Variants in CSMD3 observed in about 807,000 individuals in gnomAD.
The protein encoded by CSMD3 is CUB and sushi domain-containing protein 3.
Under a neutral mutation model 435.2 loss-of-function variants are expected in CSMD3, and 177 were observed. The observed-to-expected ratio is 0.41, with a 90% CI of 0.36 to 0.46. CSMD3 has a LOEUF of 0.46. CSMD3 is among the 20% of genes least tolerant of loss of function. The pLI, the probability that CSMD3 is intolerant of heterozygous loss-of-function variation, is 0.34. For synonymous variants in CSMD3, 1,656 were observed against 1,520.5 expected (o/e 1.09, Z -2.07); for missense variants, 4,265 against 4,504.6 (o/e 0.95, Z 1.52).
At chr8:113,327,658 A>G (rs1334061482) in intron 1 of CSMD3, among the ~76,000 whole-genome samples, 1 of 152,004 alleles carries the variant, frequency 6.6e-6, no homozygotes, top group Non-Finnish European at 1.5e-5. Flanking sequence ...GACTGTCGCT[A>G]TTTAACCTAT....
At position 112,954,660 on chromosome 8, in the gene CSMD3, G is replaced by A. The variant is rs781178141; in HGVS notation, c.1420+24C>T. Reference sequence around the variant, plus strand: ...AAACTTCACTCTTGCACTAGAGAAAGTAACAAAAAAGAAGTACACTCACAG... The same window carrying A: ...AAACTTCACTCTTGCACTAGAGAAAATAACAAAAAAGAAGTACACTCACAG... On this transcript the variant is annotated intron_variant, in intron 8 of 70. Transcript: ENST00000297405. 8.7e-6 allele frequency: 13 copies of A among 1,487,246 alleles called. No individual in the cohort carries two copies. The South Asian group carries it at 1.5e-4, about 17-fold the overall frequency. 92.1% of individuals were successfully genotyped at this position (1,487,246 alleles called of 1,614,324 possible).
Position 112,301,814 on chromosome 8 carries a change from C to T in CSMD3, c.8419G>A (p.Glu2807Lys), listed in dbSNP as rs765143806. The change falls in exon 53 of 71, where the codon GAA becomes AAA. Residue 2807 changes from glutamate (E) to lysine (K), a missense_variant. Physicochemically the swap from Glu to Lys is moderately conservative, Grantham distance 56. Transcript: ENST00000297405. The stretch of plus-strand genomic sequence containing the variant: ...GTACCTAGGCATCTGGTTTCAGATT[C>T]ACTCCAAAGACCTGAGGAAAGGCAT... ...RECLSSGLWS[E>K]SETRCLAGHC... The T allele has an allele frequency of 6.2e-7, 1 of 1,613,770 alleles. No individual in the cohort carries two copies. The highest frequency in any genetic ancestry group is 1.1e-5 in the South Asian group (1 of 91,068).
At chr8:113,136,225 A>G (rs1393935485) in intron 4 of CSMD3, among the ~76,000 whole-genome samples, 1 of 151,678 alleles carries the variant, frequency 6.6e-6, no homozygotes, top group Non-Finnish European at 1.5e-5. Flanking sequence ...GCCATCGCAG[A>G]CAAGTAAGTA....
intron 22 of CSMD3, among the ~76,000 whole-genome samples, chr8:112,623,568 GGTTA>G (rs1393194503): frequency 6.6e-6 from 1 of 151,828 alleles, no homozygotes; most frequent in Non-Finnish European, 1.5e-5. Context: ...ACATTGTGCA[GGTTA>G]GTTACATATG....
intron 32 of CSMD3, among the ~76,000 whole-genome samples, chr8:112,467,494 A>G (rs1410601834): frequency 6.6e-6 from 1 of 151,414 alleles, no homozygotes; most frequent in Non-Finnish European, 1.5e-5. Context: ...TTTATACAGC[A>G]ACTTATATTA....
intron 24 of CSMD3, among the ~76,000 whole-genome samples, chr8:112,565,196 T>C (rs1226861298): frequency 6.6e-6 from 1 of 152,116 alleles, no homozygotes; most frequent in Non-Finnish European, 1.5e-5. Flanking sequence ...CCAGTTTATT[T>C]TGATATTTTA....
chr8:112,286,273 A>T (rs1433360248), intron 58 of CSMD3, among the ~76,000 whole-genome samples: 3 of 152,116 alleles, frequency 2.0e-5, no homozygotes, highest in Non-Finnish European at 4.4e-5. Context: ...GTCTCCCCTT[A>T]TCTACTATTC....
At position 112,682,643 on chromosome 8, in the gene CSMD3, A is replaced by G; in HGVS notation, c.2483-7T>C. On this transcript the variant is annotated splice_region_variant and splice_polypyrimidine_tract_variant and intron_variant, in intron 15 of 70. Coordinates refer to ENST00000297405, the MANE Select transcript of CSMD3 (RefSeq NM_198123.2). ...CATTCATTATGTCCAAATGCTTTAG[A>G]ATAATATGCAAAGAAAAATACACAA... 6.3e-7 allele frequency: 1 copy of G among 1,582,008 alleles called. No individual in the cohort carries two copies. Among genetic ancestry groups the G allele is most frequent in the Non-Finnish European group, 8.7e-7 (1 of 1,150,678 alleles).
At chr8:112,941,617 T>A (rs1374829546) in intron 9 of CSMD3, among the ~76,000 whole-genome samples, 3 of 151,812 alleles carry the variant, frequency 2.0e-5, no homozygotes, top group Non-Finnish European at 4.4e-5. Flanking sequence ...ATTACTGCAA[T>A]GTTAGGAAAA....
intron 3 of CSMD3, among the ~76,000 whole-genome samples, chr8:113,223,562 C>T (rs886684829): frequency 3.3e-5 from 5 of 149,710 alleles, no homozygotes; most frequent in Admixed American, 2.7e-4. Flanking sequence ...ATTTTTACAA[C>T]ACATGCTGAC....
intron 11 of CSMD3, among the ~76,000 whole-genome samples, chr8:112,831,121 A>G (rs989217177): frequency 6.6e-6 from 1 of 152,108 alleles, no homozygotes; most frequent in African/African-American, 2.4e-5. Flanking sequence ...CTTGTTTTAT[A>G]AAATATTTTA....
chr8:112,307,719 T>C lies in CSMD3; in HGVS notation c.7886-1527A>G, dbSNP rs570886823. On this transcript the variant is annotated intron_variant, in intron 50 of 70. Transcript: ENST00000297405. ...ATAACTGATAGATATATGTAGTGCATTATTGTTATAAAATGAGAAAGCTTC... is the reference window on the plus strand; with the variant it reads ...ATAACTGATAGATATATGTAGTGCACTATTGTTATAAAATGAGAAAGCTTC... Among the ~76,000 whole-genome samples the C allele has an allele frequency of 1.8e-4, 27 of 152,344 alleles. No homozygotes were observed. The East Asian group carries it at 4.6e-3, about 26-fold the overall frequency.
At chr8:113,316,033 A>G (rs1424920139) in intron 1 of CSMD3, among the ~76,000 whole-genome samples, 1 of 152,058 alleles carries the variant, frequency 6.6e-6, no homozygotes, top group Non-Finnish European at 1.5e-5. Flanking sequence ...CAAATATATA[A>G]TATTCTGTAG....
intron 11 of CSMD3, among the ~76,000 whole-genome samples, chr8:112,851,807 C>T (rs555341602): frequency 6.6e-6 from 1 of 151,600 alleles, no homozygotes; most frequent in Non-Finnish European, 1.5e-5. Flanking sequence ...AAGAACTACA[C>T]CTGGGATTAG....
chr8:112,745,659 T>C (rs1364464215), intron 13 of CSMD3, among the ~76,000 whole-genome samples: 1 of 151,796 alleles, frequency 6.6e-6, no homozygotes, highest in Non-Finnish European at 1.5e-5. Flanking sequence ...CTAATGTCAA[T>C]TCTAAGTTTC....
chr8:113,330,812 A>G (rs1238057108), intron 1 of CSMD3, among the ~76,000 whole-genome samples: 1 of 151,926 alleles, frequency 6.6e-6, no homozygotes, highest in Non-Finnish European at 1.5e-5. Context: ...GGATAAGTAT[A>G]TACTTCAAAA....
chr8:112,968,401 A>T lies in CSMD3; in HGVS notation c.1342+7436T>A, dbSNP rs143271876. On this transcript the variant is annotated intron_variant, in intron 7 of 70. Transcript: ENST00000297405. ...TGATTTCTAAATACCCACATTGTCC[A>T]TTACAACCTATGCTTGAATGTCTTT... 4.1e-3 allele frequency among the ~76,000 whole-genome samples: 619 copies of T among 152,008 alleles called. 7 individuals are homozygous for T. The highest frequency in any genetic ancestry group is 0.014 in the African/African-American group (568 of 41,534).
rs971003468 is a variant in CSMD3, at chr8:112,650,352, G to A, written c.3005-3C>T. On this transcript the variant is annotated splice_region_variant and splice_polypyrimidine_tract_variant and intron_variant, in intron 18 of 70. Transcript: ENST00000297405. ...AGAATACGTGTTCACTGTAACACCT[G>A]GAAAACAAAGGGAAGAAAATAAAGA... The A allele has an allele frequency of 1.2e-6, 2 of 1,609,828 alleles. No homozygotes were observed. The highest frequency in any genetic ancestry group is 1.3e-5 in the African/African-American group (1 of 74,904).
At chr8:113,044,077 A>G (rs1244978305) in intron 5 of CSMD3, among the ~76,000 whole-genome samples, 1 of 152,100 alleles carries the variant, frequency 6.6e-6, no homozygotes, top group African/African-American at 2.4e-5. Context: ...TATAGACCAG[A>G]CACTAAAACA....
Sources: gnomAD v4.1 joint callset for allele counts (sites outside exome capture counted in the v4.1 genomes callset) on GRCh38, gnomAD v4.1.1 for gene constraint, MANE v1.5 for transcripts, NCBI Gene and HGNC (gene_info 2026-07-23, HGNC 2026-07-21) for gene names.